UQCC1: variants seen among roughly 807,000 people sequenced by gnomAD.
The protein encoded by UQCC1 is bFGF-repressed Zic-binding protein.
Under a neutral mutation model 48.0 loss-of-function variants are expected in UQCC1, and 38 were observed. That is an observed-to-expected ratio of 0.79 (90% CI 0.61 to 1.04). UQCC1 has a LOEUF of 1.04. UQCC1 is among the 50% of genes least tolerant of loss of function. The pLI, the probability that UQCC1 is intolerant of heterozygous loss-of-function variation, is 0.00. For synonymous variants in UQCC1, 111 were observed against 129.2 expected, an observed-to-expected ratio of 0.86 and a Z score of 0.95; for missense variants, 368 against 381.8, an observed-to-expected ratio of 0.96 and a Z score of 0.30.
At chr20:35,309,515 G>A (rs1265575581) in intron 8 of UQCC1, among the ~76,000 whole-genome samples, 1 of 152,164 alleles carries the variant, frequency 6.6e-6, no homozygotes, top group Admixed American at 6.5e-5. Context: ...GTAAGGCAGT[G>A]AAAACAAATG....
At chr20:35,377,136 C>A (rs1007379118) in intron 4 of UQCC1, among the ~76,000 whole-genome samples, 3 of 152,024 alleles carry the variant, frequency 2.0e-5, no homozygotes, top group African/African-American at 7.2e-5. Flanking sequence ...AGAACAATAG[C>A]CTTCATGAAC....
At chr20:35,340,358 A>G (rs1425334555) in intron 7 of UQCC1, among the ~76,000 whole-genome samples, 2 of 152,384 alleles carry the variant, frequency 1.3e-5, no homozygotes, top group East Asian at 1.9e-4. Context: ...CTGACTTCTT[A>G]GAATTTAGCC....
At chr20:35,305,425 T>G (rs1028774347) in intron 9 of UQCC1, among the ~76,000 whole-genome samples, 1 of 152,242 alleles carries the variant, frequency 6.6e-6, no homozygotes, top group Non-Finnish European at 1.5e-5. Context: ...TGTTGGGGCT[T>G]CTGGCACAAG....
chr20:35,313,693 A>T (rs144161507), intron 8 of UQCC1, among the ~76,000 whole-genome samples: 1 of 152,252 alleles, frequency 6.6e-6, no homozygotes, highest in African/African-American at 2.4e-5. Flanking sequence ...AGCTCACTGC[A>T]GTCTCCGCCT....
intron 7 of UQCC1, among the ~76,000 whole-genome samples, chr20:35,335,526 A>C (rs2061306279): frequency 6.6e-6 from 1 of 152,234 alleles, no homozygotes; most frequent in Admixed American, 6.5e-5. Context: ...CCACAACATG[A>C]CTGAACTTTG....
chr20:35,339,499 A>G (rs79270622), intron 7 of UQCC1, among the ~76,000 whole-genome samples: 3,686 of 152,328 alleles, frequency 0.024, 142 homozygotes, highest in African/African-American at 0.085. Flanking sequence ...GCCTAGAGGC[A>G]TAAAAGAACA....
At chr20:35,394,384 A>G (rs186692149) in intron 1 of UQCC1, among the ~76,000 whole-genome samples, 188 bp from the exon 2 acceptor site, 11 of 152,188 alleles carry the variant, frequency 7.2e-5, no homozygotes, top group African/African-American at 2.2e-4. Flanking sequence ...ACTCATAATA[A>G]GCCCCTTTCA....
At position 35,397,536 on chromosome 20, in the gene UQCC1, G is replaced by GA. The variant is rs1172005636; in HGVS notation, c.25-3341dup. ...CTCAAAAAAAAAAAAAAAGAAAAAAGAAAAAAAAATCAGGAAAAAAACATG... is the reference window on the plus strand; with the variant it reads ...CTCAAAAAAAAAAAAAAAGAAAAAAGAAAAAAAAAATCAGGAAAAAAACATG... On this transcript the variant is annotated intron_variant, in intron 1 of 9. Coordinates refer to ENST00000374385, the MANE Select transcript of UQCC1 (RefSeq NM_018244.5). Among the ~76,000 whole-genome samples, 972 of 143,378 alleles carry GA rather than the reference G, an allele frequency of 6.8e-3. 15 individuals are homozygous for GA. The highest frequency in any genetic ancestry group is 0.024 in the African/African-American group (923 of 39,068). 94.1% of individuals were successfully genotyped at this position (143,378 alleles called of 152,430 possible). A position where few individuals can be genotyped will look rare whatever the true frequency, so the allele number is the denominator to read the frequency against.
At chr20:35,376,257 G>A (rs888332504) in intron 4 of UQCC1, among the ~76,000 whole-genome samples, 10 of 151,844 alleles carry the variant, frequency 6.6e-5, no homozygotes, top group South Asian at 6.2e-4. Flanking sequence ...GCAGTGAGCC[G>A]AGATTGTGCC....
chr20:35,324,611 C>T (rs1302302117), intron 7 of UQCC1, among the ~76,000 whole-genome samples: 1 of 152,246 alleles, frequency 6.6e-6, no homozygotes, highest in Non-Finnish European at 1.5e-5. Flanking sequence ...CAGGCGTGAG[C>T]CACCGCACCT....
chr20:35,347,755 G>C (rs1368953483), intron 6 of UQCC1, among the ~76,000 whole-genome samples: 1 of 152,206 alleles, frequency 6.6e-6, no homozygotes, highest in Non-Finnish European at 1.5e-5. Context: ...AATACAGCTA[G>C]TCAAAGCTGA....
chr20:35,391,337 T>C (rs1176328096), intron 2 of UQCC1, among the ~76,000 whole-genome samples: 1 of 152,026 alleles, frequency 6.6e-6, no homozygotes, highest in Non-Finnish European at 1.5e-5. Context: ...AATAAGAAAA[T>C]GTGACCAGAC....
intron 2 of UQCC1, 136 bp downstream of exon 2, chr20:35,393,956 G>A: frequency 1.4e-6 from 1 of 740,092 alleles, no homozygotes; most frequent in South Asian, 1.6e-5. Flanking sequence ...TCAGTCCTAA[G>A]TTGGCACCAC....
intron 1 of UQCC1, among the ~76,000 whole-genome samples, chr20:35,405,609 C>T (rs975420073): frequency 1.3e-5 from 2 of 152,086 alleles, no homozygotes; most frequent in Admixed American, 6.6e-5. Context: ...AGAAAGTGGC[C>T]GGGTGCGGTG....
chr20:35,306,724 T>A lies in UQCC1; in HGVS notation c.707A>T (p.Asn236Ile). ...LAAALWRTFF[N>I]RKCEDPRHLE... ...ATGTCGAGGGTCTTCACATTTCCGG[T>A]TGAAGAAGGTTCTCCAGAGGGCAGC... Residue 236 changes from asparagine to isoleucine, a missense_variant, in exon 9 of 10, where the codon AAC becomes ATC. Coordinates refer to ENST00000374385, the MANE Select transcript of UQCC1 (RefSeq NM_018244.5). The A allele has an allele frequency of 6.2e-7, 1 of 1,613,984 alleles. No individual in the cohort carries two copies. The highest frequency in any genetic ancestry group is 8.5e-7 in the Non-Finnish European group (1 of 1,180,022).
chr20:35,353,491 A>C (rs368191611), intron 6 of UQCC1, among the ~76,000 whole-genome samples: 79 of 152,170 alleles, frequency 5.2e-4, no homozygotes, highest in African/African-American at 1.8e-3. Flanking sequence ...ATTTCAAAAT[A>C]AATTTAATGT....
intron 6 of UQCC1, among the ~76,000 whole-genome samples, chr20:35,364,201 G>C (rs546091404): frequency 2.0e-5 from 3 of 152,202 alleles, no homozygotes; most frequent in African/African-American, 7.2e-5. Flanking sequence ...AGAAATTCTA[G>C]TCACTCTTCG....
chr20:35,325,653 C>T (rs974948768), intron 7 of UQCC1, among the ~76,000 whole-genome samples: 3 of 152,180 alleles, frequency 2.0e-5, no homozygotes, highest in African/African-American at 7.2e-5. Context: ...AAGAAGTTTA[C>T]AATCTCACGT....
At position 35,321,283 on chromosome 20, in the gene UQCC1, T is replaced by TGTGTGCGC. The variant is rs1389196330; in HGVS notation, c.574-6519_574-6518insGCGCACAC. Among the ~76,000 whole-genome samples the TGTGTGCGC allele has an allele frequency of 2.0e-3, 283 of 141,576 alleles. 1 individual carries two copies. The highest frequency in any genetic ancestry group is 7.9e-3 in the African/African-American group (274 of 34,572). The allele number at this position is 141,576 out of a possible 152,430, so 92.9% of individuals were successfully genotyped here. On this transcript the variant is annotated intron_variant, in intron 7 of 9. Coordinates refer to ENST00000374385, the MANE Select transcript of UQCC1 (RefSeq NM_018244.5). ...GTGTGTGTGTGTGTGTGTGTGTGTG[T>TGTGTGCGC]GCGCGCGCGCGCGCGCACGCTCAGG...
Sources: allele counts gnomAD v4.1 joint callset (sites outside exome capture counted in the v4.1 genomes callset), GRCh38; gene constraint gnomAD v4.1.1; transcripts MANE v1.5; gene names NCBI Gene and HGNC (gene_info 2026-07-23, HGNC 2026-07-21).